The following PDE1C variants were observed in gnomAD, a reference collection of about 807,000 sequenced individuals.
The protein encoded by PDE1C is dual specificity calcium/calmodulin-dependent 3',5'-cyclic nucleotide phosphodiesterase 1C.
In PDE1C, 62 loss-of-function variants were observed where a neutral mutation model predicts 93.1. The ratio of observed to expected loss-of-function variants is 0.67; its 90% CI spans 0.54 to 0.82. PDE1C has a LOEUF of 0.82. PDE1C is among the 40% of genes least tolerant of loss of function. PDE1C has a pLI of 0.00. For missense variants in PDE1C, 742 were observed against 884.6 expected, an observed-to-expected ratio of 0.84 and a Z score of 2.04; for synonymous variants, 325 against 310.1, an observed-to-expected ratio of 1.05 and a Z score of -0.50.
At chr7:32,421,747 A>G (rs1401030825) in intron 1 of PDE1C, among the ~76,000 whole-genome samples, 1 of 152,216 alleles carries the variant, frequency 6.6e-6, no homozygotes, top group African/African-American at 2.4e-5. Context: ...AGGGAACAGT[A>G]AAGCCATCTG....
intron 3 of PDE1C, among the ~76,000 whole-genome samples, chr7:32,153,508 C>A (rs1207060047): frequency 6.6e-6 from 1 of 152,158 alleles, no homozygotes; most frequent in Non-Finnish European, 1.5e-5. Context: ...GAGCCTGGAA[C>A]AAGCAGAGTG....
At chr7:32,257,785 C>T (rs1051344241) in intron 1 of PDE1C, among the ~76,000 whole-genome samples, 8 of 152,208 alleles carry the variant, frequency 5.3e-5, no homozygotes, top group African/African-American at 1.7e-4. Flanking sequence ...TCCCAGCCAA[C>T]CAGACACCAG....
At chr7:31,949,217 G>A (rs1464278789) in intron 2 of PDE1C, among the ~76,000 whole-genome samples, 1 of 152,140 alleles carries the variant, frequency 6.6e-6, no homozygotes, top group Non-Finnish European at 1.5e-5. Flanking sequence ...CCAACACTTT[G>A]GGAGGCCAAG....
intron 1 of PDE1C, among the ~76,000 whole-genome samples, chr7:32,341,180 T>TATTTTTTTTTTTTTTA (rs1562682213): frequency 8.9e-6 from 1 of 112,486 alleles, no homozygotes; most frequent in Non-Finnish European, 1.9e-5. Flanking sequence ...AGTCTTTTTT[T>TATTTTTTTTTTTTTTA]TTTTTTTTTT....
intron 1 of PDE1C, among the ~76,000 whole-genome samples, chr7:32,256,925 C>T (rs961754050): frequency 1.3e-5 from 2 of 152,198 alleles, no homozygotes; most frequent in Non-Finnish European, 2.9e-5. Flanking sequence ...CTTCTTTGAG[C>T]AGGCCCCCAG....
the PDE1C span, among the ~76,000 whole-genome samples, chr7:31,682,615 C>T: frequency 6.6e-6 from 1 of 152,106 alleles, no homozygotes; most frequent in Non-Finnish European, 1.5e-5. Flanking sequence ...AGCAATTGCA[C>T]TCTTGATTAT....
chr7:31,632,272 C>A, the PDE1C span, among the ~76,000 whole-genome samples: 1 of 151,950 alleles, frequency 6.6e-6, no homozygotes, highest in Non-Finnish European at 1.5e-5. Context: ...CACGGTGAAA[C>A]TCCATCTCTA....
At chr7:32,016,956 G>A (rs1047056471) in intron 2 of PDE1C, among the ~76,000 whole-genome samples, 3 of 152,118 alleles carry the variant, frequency 2.0e-5, no homozygotes, top group Admixed American at 6.6e-5. Flanking sequence ...GCCTGAGTTC[G>A]AAGCCTGCGT....
At chr7:31,815,017 G>A (rs1788056880) in intron 15 of PDE1C, among the ~76,000 whole-genome samples, 1 of 151,870 alleles carries the variant, frequency 6.6e-6, no homozygotes, top group African/African-American at 2.4e-5. Context: ...CTGTGTACTT[G>A]CTCATCTTGT....
chr7:31,695,361 C>A, the PDE1C span: 1 of 992,784 alleles, frequency 1.0e-6, no homozygotes, highest in Non-Finnish European at 1.4e-6. Flanking sequence ...CCTTTTCAGG[C>A]CAAATCACCT....
At chr7:32,266,497 C>CA (rs144336442) in intron 1 of PDE1C, among the ~76,000 whole-genome samples, 17,704 of 149,262 alleles carry the variant, frequency 0.12, 1,185 homozygotes, top group African/African-American at 0.16. Context: ...GAGACTCCGT[C>CA]AAAAAAAAAT....
intron 2 of PDE1C, among the ~76,000 whole-genome samples, chr7:32,174,959 T>C (rs1211122209): frequency 2.6e-5 from 4 of 152,180 alleles, no homozygotes; most frequent in Non-Finnish European, 5.9e-5. Context: ...TCTAAAACTA[T>C]TAATGAATTC....
At chr7:31,838,969 T>A (rs896556748) in intron 9 of PDE1C, among the ~76,000 whole-genome samples, 2 of 149,358 alleles carry the variant, frequency 1.3e-5, no homozygotes, top group Non-Finnish European at 3.0e-5. Flanking sequence ...AGTATACACA[T>A]ATATATTTAG....
intron 2 of PDE1C, among the ~76,000 whole-genome samples, chr7:31,969,399 C>A (rs1370566279): frequency 2.0e-5 from 3 of 152,172 alleles, no homozygotes; most frequent in East Asian, 3.8e-4. Context: ...AAATGCTCAT[C>A]ATCACTGGCC....
At chr7:31,801,731 T>C (rs867247301) in intron 16 of PDE1C, among the ~76,000 whole-genome samples, 1 of 151,538 alleles carries the variant, frequency 6.6e-6, no homozygotes, top group African/African-American at 2.4e-5. Flanking sequence ...ATGAACTTCT[T>C]TATTGCTGAA....
intron 3 of PDE1C, among the ~76,000 whole-genome samples, chr7:32,089,275 C>T (rs1336250222): frequency 6.6e-6 from 1 of 152,044 alleles, no homozygotes; most frequent in Non-Finnish European, 1.5e-5. Context: ...CACATTGAAG[C>T]TTTAAGTAAC....
intron 2 of PDE1C, among the ~76,000 whole-genome samples, chr7:32,050,866 G>A (rs146706924): frequency 3.9e-5 from 6 of 152,236 alleles, no homozygotes; most frequent in African/African-American, 1.4e-4. Flanking sequence ...ATTGGACTTC[G>A]GAGGCCATGC....
At chr7:31,753,593 C>T (rs1284245049) in intron 17 of PDE1C, 40 bp from the exon 18 acceptor site, 1 of 1,581,440 alleles carries the variant, frequency 6.3e-7, no homozygotes, top group Non-Finnish European at 8.6e-7. Context: ...CGGTTAGCCT[C>T]ACCCACGACA....
chr7:31,885,648 G>A (rs1797774134), intron 2 of PDE1C, among the ~76,000 whole-genome samples: 1 of 152,204 alleles, frequency 6.6e-6, no homozygotes, highest in African/African-American at 2.4e-5. Flanking sequence ...GTGAGGAAAG[G>A]CCAGAGCACT....
Sources: allele counts gnomAD v4.1 joint callset (sites outside exome capture counted in the v4.1 genomes callset), GRCh38; gene constraint gnomAD v4.1.1; transcripts MANE v1.5; gene names NCBI Gene and HGNC (gene_info 2026-07-23, HGNC 2026-07-21).